Variants in DOK6 observed in about 807,000 individuals in gnomAD.
DOK6 encodes downstream of tyrosine kinase 6.
Under a neutral mutation model 44.0 loss-of-function variants are expected in DOK6, and 22 were observed. The ratio of observed to expected loss-of-function variants is 0.50; its 90% CI spans 0.36 to 0.71. The LOEUF is 0.71. Among genes scored for constraint, DOK6 ranks in the 30% least tolerant of loss-of-function variants. The pLI is 0.00. For synonymous variants in DOK6, 166 were observed against 145.5 expected, an observed-to-expected ratio of 1.14 and a Z score of -1.01; for missense variants, 340 against 416.4, an observed-to-expected ratio of 0.82 and a Z score of 1.60.
rs377049779 is a variant in DOK6, at chr18:69,503,389, C to T, written c.67-61098C>T. Among the ~76,000 whole-genome samples, 140 of 152,126 alleles carry T rather than the reference C, an allele frequency of 9.2e-4. 1 individual carries two copies. In the Middle Eastern group the frequency reaches 0.02, roughly 22 times the overall value. On this transcript the variant is annotated intron_variant, in intron 1 of 7. Coordinates refer to ENST00000382713, the MANE Select transcript of DOK6 (RefSeq NM_152721.6). ...TCTTTGTGGCAGGGAGAGTTCACTG[C>T]TACTGTGAAAGTGTAAATCTACCTG... is the stretch of plus-strand genomic sequence containing the variant.
chr18:69,809,134 T>C (rs1441518905), intron 7 of DOK6, among the ~76,000 whole-genome samples: 1 of 151,808 alleles, frequency 6.6e-6, no homozygotes, highest in Non-Finnish European at 1.5e-5. Context: ...TCATTCAACA[T>C]AGGCAAATCT....
chr18:69,848,808 T>C lies in DOK6; in HGVS notation c.*7425T>C, dbSNP rs1982409811. On this transcript the variant is annotated 3_prime_UTR_variant, in exon 8 of 8. Transcript: ENST00000382713. ...TAAAGTTTGCTCCATCACTTAAAGG[T>C]AAAGCAGTTCAAAAATACTACTTTA... 6.6e-6 allele frequency: 1 copy of C among 152,222 alleles called. No individual in the cohort carries two copies. The highest frequency in any genetic ancestry group is 6.5e-5 in the Admixed American group (1 of 15,282). 9.4% of individuals were successfully genotyped at this position (152,222 alleles called of 1,614,324 possible).
At chr18:69,609,754 C>T (rs758142119) in intron 3 of DOK6, among the ~76,000 whole-genome samples, 2 of 152,018 alleles carry the variant, frequency 1.3e-5, no homozygotes, top group African/African-American at 4.8e-5. Flanking sequence ...TTCACAACAG[C>T]CAAGATATGG....
chr18:69,443,807 G>A (rs899838371), intron 1 of DOK6, among the ~76,000 whole-genome samples: 2 of 152,052 alleles, frequency 1.3e-5, no homozygotes. Flanking sequence ...TCTTGCTCCT[G>A]CGTTTTGCTA....
At position 69,845,091 on chromosome 18, in the gene DOK6, C is replaced by G. The variant is rs1982318174; in HGVS notation, c.*3708C>G. On this transcript the variant is annotated 3_prime_UTR_variant, in exon 8 of 8. Coordinates refer to ENST00000382713, the MANE Select transcript of DOK6 (RefSeq NM_152721.6). ...CTTGTTTGGCCAGTATCACAGAAAA[C>G]TTTGTAAAAAAGCATGGGGACCCTA... 6.6e-6 allele frequency: 1 copy of G among 152,132 alleles called. No homozygotes were observed. The highest frequency in any genetic ancestry group is 1.5e-5 in the Non-Finnish European group (1 of 68,014). The allele number at this position is 152,132 out of a possible 1,614,324, so 9.4% of individuals were successfully genotyped here. A position where few individuals can be genotyped will look rare whatever the true frequency, so the allele number is the denominator to read the frequency against.
intron 3 of DOK6, among the ~76,000 whole-genome samples, chr18:69,658,279 G>A (rs1430441979): frequency 1.3e-5 from 2 of 152,096 alleles, no homozygotes; most frequent in East Asian, 3.8e-4. Flanking sequence ...ACTGGGGCTG[G>A]ATTGCTGGGT....
intron 7 of DOK6, among the ~76,000 whole-genome samples, chr18:69,770,056 C>T (rs1979841872): frequency 6.6e-6 from 1 of 152,138 alleles, no homozygotes; most frequent in Non-Finnish European, 1.5e-5. Flanking sequence ...AATATAATTT[C>T]ATGTAAACCA....
At chr18:69,461,370 A>C (rs1979782216) in intron 1 of DOK6, among the ~76,000 whole-genome samples, 1 of 152,044 alleles carries the variant, frequency 6.6e-6, no homozygotes, top group Non-Finnish European at 1.5e-5. Flanking sequence ...TCATCACTCA[A>C]AGCAAATCAC....
chr18:69,488,928 G>A (rs891514647), intron 1 of DOK6, among the ~76,000 whole-genome samples: 2 of 152,152 alleles, frequency 1.3e-5, no homozygotes, highest in African/African-American at 2.4e-5. Context: ...ATTGATCTGT[G>A]ACCATATTAA....
chr18:69,489,079 C>G (rs1347738223), intron 1 of DOK6, among the ~76,000 whole-genome samples: 1 of 152,130 alleles, frequency 6.6e-6, no homozygotes, highest in Non-Finnish European at 1.5e-5. Context: ...AGAGAGTTTC[C>G]ATAAAGAACC....
At chr18:69,452,679 C>T (rs370549014) in intron 1 of DOK6, among the ~76,000 whole-genome samples, 10 of 147,956 alleles carry the variant, frequency 6.8e-5, no homozygotes, top group East Asian at 2.0e-4. Context: ...ACTGGCAAAC[C>T]GAATCCAGCA....
chr18:69,550,032 T>C (rs1417872787), intron 1 of DOK6, among the ~76,000 whole-genome samples: 1 of 151,198 alleles, frequency 6.6e-6, no homozygotes, highest in Non-Finnish European at 1.5e-5. Flanking sequence ...ATTAAGTTTA[T>C]AAAGTGTAAT....
chr18:69,795,664 C>T (rs1028163763), intron 7 of DOK6, among the ~76,000 whole-genome samples: 1 of 152,090 alleles, frequency 6.6e-6, no homozygotes, highest in Non-Finnish European at 1.5e-5. Context: ...AAAGGCCAGG[C>T]CCTCTTTTTA....
intron 1 of DOK6, among the ~76,000 whole-genome samples, chr18:69,496,830 T>G (rs1261704308): frequency 1.3e-5 from 2 of 152,214 alleles, no homozygotes; most frequent in East Asian, 3.9e-4. Context: ...TATTAGTAAT[T>G]TTCAGGCTTC....
intron 7 of DOK6, among the ~76,000 whole-genome samples, chr18:69,827,934 A>T (rs1056686353): frequency 7.2e-5 from 11 of 151,952 alleles, no homozygotes; most frequent in Non-Finnish European, 1.6e-4. Context: ...ATATCGTTTT[A>T]AGAACTATAA....
rs553030398 is a variant in DOK6 at position 69,647,127 on chromosome 18, CCTGT to C, written c.290-30604_290-30601del. Among the ~76,000 whole-genome samples, 14 of 152,078 alleles carry C rather than the reference CCTGT, an allele frequency of 9.2e-5. No individual in the cohort carries two copies. In the South Asian group the frequency reaches 1.2e-3, roughly 14 times the overall value. On this transcript the variant is annotated intron_variant, in intron 3 of 7. Transcript: ENST00000382713. ...CTGTCTATCTATCCTATCTGTCTATCCTGTCTATCTATCTACCCTATCCATCTAT... is the reference window on the plus strand; with the variant it reads ...CTGTCTATCTATCCTATCTGTCTATCCTATCTATCTACCCTATCCATCTAT...
At chr18:69,599,569 A>G (rs1245789238) in intron 3 of DOK6, 71 bp downstream of exon 3, 3 of 1,252,244 alleles carry the variant, frequency 2.4e-6, no homozygotes, top group Non-Finnish European at 3.4e-6. Context: ...CAGGCGGATT[A>G]AGGTACACTA....
chr18:69,835,419 C>T (rs111392558), intron 7 of DOK6, among the ~76,000 whole-genome samples: 3,720 of 151,720 alleles, frequency 0.025, 95 homozygotes, highest in East Asian at 0.074. Flanking sequence ...GAGCCAAAAT[C>T]GCACCACTGC....
intron 3 of DOK6, among the ~76,000 whole-genome samples, chr18:69,615,720 G>A (rs1001062219): frequency 1.3e-5 from 2 of 152,096 alleles, no homozygotes; most frequent in Admixed American, 6.5e-5. Flanking sequence ...GTGAAATTTG[G>A]GTATGCCGTT....
Sources: allele counts gnomAD v4.1 joint callset (sites outside exome capture counted in the v4.1 genomes callset), GRCh38; gene constraint gnomAD v4.1.1; transcripts MANE v1.5; gene names NCBI Gene and HGNC (gene_info 2026-07-23, HGNC 2026-07-21).